The following TMEM117 variants were observed in gnomAD, a reference collection of about 807,000 sequenced individuals.
The protein encoded by TMEM117 is transmembrane protein 117.
In TMEM117, 27 loss-of-function variants were observed where a neutral mutation model predicts 52.4. The observed-to-expected ratio is 0.51, with a 90% confidence interval of 0.38 to 0.71. TMEM117 has a LOEUF of 0.71. Ranked by LOEUF, TMEM117 falls within the 30% of genes least tolerant of loss-of-function variation. The probability of loss-of-function intolerance (pLI) is 0.00; values close to 1 mark genes in which losing one functional copy is unlikely to be tolerated. For missense variants in TMEM117, 556 were observed against 630.5 expected, an observed-to-expected ratio of 0.88 and a Z score of 1.26; for synonymous variants, 215 against 206.3, an observed-to-expected ratio of 1.04 and a Z score of -0.36.
chr12:44,271,972 CAT>C (rs1201086380), intron 5 of TMEM117, among the ~76,000 whole-genome samples: 5 of 152,074 alleles, frequency 3.3e-5, no homozygotes, highest in African/African-American at 7.2e-5. Context: ...AAATCCAACA[CAT>C]ATGTGAAAAA....
At chr12:44,065,543 A>G (rs530634464) in intron 3 of TMEM117, among the ~76,000 whole-genome samples, 1 of 152,238 alleles carries the variant, frequency 6.6e-6, no homozygotes, top group African/African-American at 2.4e-5. Flanking sequence ...CTTAAAAACA[A>G]TCAGTAGTTC....
intron 3 of TMEM117, among the ~76,000 whole-genome samples, chr12:44,054,498 A>T (rs147944871): frequency 1.4e-4 from 22 of 152,298 alleles, no homozygotes; most frequent in Non-Finnish European, 2.2e-4. Context: ...CTGCACGGAG[A>T]GGTTATCTTA....
At chr12:44,366,327 A>T (rs1951788704) in intron 6 of TMEM117, among the ~76,000 whole-genome samples, 2 of 152,098 alleles carry the variant, frequency 1.3e-5, no homozygotes, top group African/African-American at 4.8e-5. Flanking sequence ...TTTTCCAAAA[A>T]GACCCTGAGG....
At chr12:43,870,696 C>G (rs2137426140) in intron 2 of TMEM117, among the ~76,000 whole-genome samples, 1 of 152,310 alleles carries the variant, frequency 6.6e-6, no homozygotes, top group South Asian at 2.1e-4. Context: ...AATTGCCACA[C>G]TCTCTTCCAC....
chr12:43,966,314 C>T (rs1380243330), intron 3 of TMEM117, among the ~76,000 whole-genome samples: 1 of 150,838 alleles, frequency 6.6e-6, no homozygotes, highest in Non-Finnish European at 1.5e-5. Context: ...GAAACAAAAC[C>T]CAATAAAACT....
chr12:44,182,268 T>G (rs2657576), intron 4 of TMEM117, among the ~76,000 whole-genome samples: 44,247 of 151,866 alleles, frequency 0.29, 12,250 homozygotes, highest in African/African-American at 0.73. Context: ...AGACAATGGG[T>G]TTTTCTAGAT....
At chr12:44,274,350 G>A (rs993608833) in intron 5 of TMEM117, among the ~76,000 whole-genome samples, 5 of 151,970 alleles carry the variant, frequency 3.3e-5, no homozygotes, top group African/African-American at 9.7e-5. Context: ...GGATTAGAAG[G>A]ATCAATATTG....
intron 1 of TMEM117, among the ~76,000 whole-genome samples, chr12:43,839,149 C>T (rs1174313873): frequency 6.6e-6 from 1 of 152,170 alleles, no homozygotes; most frequent in East Asian, 1.9e-4. Context: ...TTTCTCTCTG[C>T]TTGGTCCAAG....
At chr12:44,191,007 A>T (rs972140340) in intron 4 of TMEM117, among the ~76,000 whole-genome samples, 2 of 150,786 alleles carry the variant, frequency 1.3e-5, no homozygotes, top group South Asian at 2.1e-4. Flanking sequence ...ATAAAGACAT[A>T]CCTGAGACTG....
the TMEM117 span, among the ~76,000 whole-genome samples, chr12:43,829,644 G>C: frequency 2.0e-5 from 3 of 152,300 alleles, no homozygotes; most frequent in Non-Finnish European, 2.9e-5. Context: ...GAAAGGGAAC[G>C]TCAGCTCAAA....
At chr12:43,804,057 T>C in the TMEM117 span, 1 of 215,888 alleles carries the variant, frequency 4.6e-6, no homozygotes, top group Non-Finnish European at 9.7e-6. Context: ...AATGATCATT[T>C]CTGTGGCAAA....
At chr12:44,316,011 T>C (rs1951049396) in intron 6 of TMEM117, among the ~76,000 whole-genome samples, 1 of 152,168 alleles carries the variant, frequency 6.6e-6, no homozygotes, top group East Asian at 1.9e-4. Context: ...AGACAGACTT[T>C]TTAATCCAGT....
At chr12:44,189,797 A>G (rs535858495) in intron 4 of TMEM117, among the ~76,000 whole-genome samples, 1 of 152,358 alleles carries the variant, frequency 6.6e-6, no homozygotes, top group African/African-American at 2.4e-5. Flanking sequence ...TATAGTAGTG[A>G]TTATAGAAAA....
At chr12:44,079,047 CT>C (rs1404417313) in intron 3 of TMEM117, among the ~76,000 whole-genome samples, 4 of 151,936 alleles carry the variant, frequency 2.6e-5, no homozygotes, top group African/African-American at 4.8e-5. Flanking sequence ...TGAACTCATC[CT>C]TTTTTTATGG....
the TMEM117 span, among the ~76,000 whole-genome samples, chr12:43,819,500 C>A: frequency 6.6e-6 from 1 of 152,058 alleles, no homozygotes; most frequent in African/African-American, 2.4e-5. Flanking sequence ...GGCGGCTGGG[C>A]GGGATGGCTC....
intron 5 of TMEM117, among the ~76,000 whole-genome samples, chr12:44,228,886 A>G (rs1441901462): frequency 1.3e-5 from 2 of 152,140 alleles, no homozygotes; most frequent in Admixed American, 6.6e-5. Flanking sequence ...GCAGAAACCC[A>G]TTGTGAAATT....
chr12:44,325,803 A>G (rs938639267), intron 6 of TMEM117, among the ~76,000 whole-genome samples: 1 of 152,186 alleles, frequency 6.6e-6, no homozygotes, highest in Non-Finnish European at 1.5e-5. Flanking sequence ...CGTGTATACA[A>G]ATTCTTGAAC....
intron 3 of TMEM117, among the ~76,000 whole-genome samples, chr12:44,077,332 A>T (rs911806613): frequency 3.3e-5 from 5 of 152,194 alleles, no homozygotes; most frequent in African/African-American, 4.8e-5. Flanking sequence ...GAATTTGAAA[A>T]TCTTTATTTT....
At chr12:44,167,970 A>T (rs1948991587) in intron 4 of TMEM117, among the ~76,000 whole-genome samples, 1 of 151,630 alleles carries the variant, frequency 6.6e-6, no homozygotes, top group South Asian at 2.1e-4. Context: ...AAATCCTGGA[A>T]TTTGGCCAGG....
Sources: gnomAD v4.1 joint callset for allele counts (sites outside exome capture counted in the v4.1 genomes callset) on GRCh38, gnomAD v4.1.1 for gene constraint, MANE v1.5 for transcripts, NCBI Gene and HGNC (gene_info 2026-07-23, HGNC 2026-07-21) for gene names.